Variants in PPARGC1A observed in about 807,000 individuals in gnomAD.
PPARGC1A encodes PPARG coactivator 1 alpha.
PPARGC1A carries 25 observed loss-of-function variants against 88.7 expected under a neutral mutation model. The ratio of observed to expected loss-of-function variants is 0.28; its 90% confidence interval spans 0.21 to 0.39. The LOEUF is 0.39. Ranked by LOEUF, PPARGC1A falls within the 10% of genes least tolerant of loss-of-function variation. The probability of loss-of-function intolerance (pLI) is 1.00; values close to 1 mark genes in which losing one functional copy is unlikely to be tolerated. For synonymous variants in PPARGC1A, 363 were observed against 355.6 expected (o/e 1.02, Z -0.24); for missense variants, 880 against 968.7 (o/e 0.91, Z 1.22).
the PPARGC1A span, among the ~76,000 whole-genome samples, chr4:24,149,353 G>T: frequency 6.6e-6 from 1 of 151,898 alleles, no homozygotes; most frequent in Non-Finnish European, 1.5e-5. Context: ...TGAGTTGTTG[G>T]ATTGGGAAAT....
chr4:24,299,236 T>C, the PPARGC1A span, among the ~76,000 whole-genome samples: 2 of 152,184 alleles, frequency 1.3e-5, no homozygotes, highest in African/African-American at 2.4e-5. Flanking sequence ...ATTTCCTCAT[T>C]TGTCAGCATG....
chr4:24,431,349 T>A, the PPARGC1A span, among the ~76,000 whole-genome samples: 26 of 152,106 alleles, frequency 1.7e-4, no homozygotes, highest in African/African-American at 6.0e-4. Flanking sequence ...GTTCCCTGTT[T>A]GTACTTGGTA....
chr4:23,989,116 G>A, the PPARGC1A span, among the ~76,000 whole-genome samples: 1 of 151,636 alleles, frequency 6.6e-6, no homozygotes, highest in East Asian at 1.9e-4. Context: ...AAGGTTGCCT[G>A]CAAGTATATA....
the PPARGC1A span, among the ~76,000 whole-genome samples, chr4:24,181,148 G>A: frequency 2.0e-5 from 3 of 152,142 alleles, no homozygotes; most frequent in Non-Finnish European, 4.4e-5. Context: ...TGGCTTCTTT[G>A]AGAATAAGCT....
At chr4:24,177,619 TTAAATAAATAAATAAATAAA>T in the PPARGC1A span, among the ~76,000 whole-genome samples, 30 of 124,934 alleles carry the variant, frequency 2.4e-4, no homozygotes, top group South Asian at 5.2e-4. Flanking sequence ...TCAAGTATAA[TTAAATAAATAAATAAATAAA>T]TAAATAAATA....
the PPARGC1A span, among the ~76,000 whole-genome samples, chr4:24,344,866 C>G: frequency 3.9e-5 from 6 of 152,066 alleles, no homozygotes; most frequent in Non-Finnish European, 8.8e-5. Context: ...AGGTTGTCTT[C>G]TAGAATTTTT....
intron 2 of PPARGC1A, among the ~76,000 whole-genome samples, chr4:23,848,193 TG>T (rs1456752452): frequency 6.6e-6 from 1 of 152,218 alleles, no homozygotes; most frequent in East Asian, 1.9e-4. Context: ...TAAATATTCA[TG>T]CCTCTCAGAT....
At chr4:24,225,040 G>A in the PPARGC1A span, among the ~76,000 whole-genome samples, 1 of 152,136 alleles carries the variant, frequency 6.6e-6, no homozygotes, top group Non-Finnish European at 1.5e-5. Context: ...CAGAGAGGGA[G>A]GGGCTGGGGC....
the PPARGC1A span, among the ~76,000 whole-genome samples, chr4:24,439,223 T>C: frequency 6.6e-6 from 1 of 152,162 alleles, no homozygotes; most frequent in Non-Finnish European, 1.5e-5. Flanking sequence ...GATGCAATAA[T>C]GGCTTTCCAA....
intron 2 of PPARGC1A, among the ~76,000 whole-genome samples, chr4:23,862,025 G>A (rs1340747077): frequency 6.6e-6 from 1 of 152,166 alleles, no homozygotes; most frequent in East Asian, 1.9e-4. Flanking sequence ...CAGTCAACGA[G>A]TATCAACCAC....
chr4:24,282,053 C>T, the PPARGC1A span, among the ~76,000 whole-genome samples: 12,372 of 151,908 alleles, frequency 0.081, 657 homozygotes, highest in Non-Finnish European at 0.11. Context: ...ATGTTTATTA[C>T]ATCAATAAAC....
chr4:23,895,610 A>G (rs1298360845), intron 1 of PPARGC1A, among the ~76,000 whole-genome samples: 1 of 152,102 alleles, frequency 6.6e-6, no homozygotes, highest in Non-Finnish European at 1.5e-5. Context: ...CTTTTGAGAA[A>G]ACATCCTTAA....
chr4:24,006,248 C>G, the PPARGC1A span, among the ~76,000 whole-genome samples: 4 of 152,266 alleles, frequency 2.6e-5, no homozygotes, highest in East Asian at 7.7e-4. Flanking sequence ...GGGGTTTCAT[C>G]ATGTTGGCCA....
chr4:23,985,694 C>T, the PPARGC1A span, among the ~76,000 whole-genome samples: 1 of 151,960 alleles, frequency 6.6e-6, no homozygotes, highest in Non-Finnish European at 1.5e-5. Context: ...AAATCACACA[C>T]AAATCACAAT....
the PPARGC1A span, among the ~76,000 whole-genome samples, chr4:23,965,573 C>T: frequency 1.3e-5 from 2 of 152,180 alleles, no homozygotes; most frequent in African/African-American, 4.8e-5. Flanking sequence ...TAGTGAAAAG[C>T]AAATGATATT....
At chr4:24,019,514 A>T in the PPARGC1A span, among the ~76,000 whole-genome samples, 1 of 152,184 alleles carries the variant, frequency 6.6e-6, no homozygotes. Flanking sequence ...CAGCTCAAAC[A>T]ATATCCACAT....
chr4:24,088,493 C>T, the PPARGC1A span, among the ~76,000 whole-genome samples: 35 of 152,120 alleles, frequency 2.3e-4, no homozygotes, highest in African/African-American at 7.7e-4. Flanking sequence ...GTTTCAAGGT[C>T]AAGCCAAATG....
chr4:24,237,864 T>C, the PPARGC1A span, among the ~76,000 whole-genome samples: 4 of 152,270 alleles, frequency 2.6e-5, no homozygotes, highest in Non-Finnish European at 5.9e-5. Flanking sequence ...GACACTGCCA[T>C]AGCGACAGAA....
the PPARGC1A span, among the ~76,000 whole-genome samples, chr4:24,461,521 T>C: frequency 6.6e-6 from 1 of 152,154 alleles, no homozygotes; most frequent in Non-Finnish European, 1.5e-5. Context: ...GACGTGTGTA[T>C]GGATATGGAT....
Sources: allele counts gnomAD v4.1 joint callset (sites outside exome capture counted in the v4.1 genomes callset), GRCh38; gene constraint gnomAD v4.1.1; transcripts MANE v1.5; gene names NCBI Gene and HGNC (gene_info 2026-07-23, HGNC 2026-07-21).